Variants in CFAP91 observed in about 807,000 individuals in gnomAD.
The protein encoded by CFAP91 is cilia- and flagella-associated protein 91.
A neutral mutation model predicts 95.9 loss-of-function variants in CFAP91; 85 were observed. The ratio of observed to expected loss-of-function variants is 0.89; its 90% confidence interval spans 0.74 to 1.06. The LOEUF (loss-of-function observed/expected upper bound fraction) is 1.06, where lower values mean the gene tolerates loss of function less well. Ranked by LOEUF, CFAP91 falls within the 50% of genes least tolerant of loss-of-function variation. The pLI, the probability that CFAP91 is intolerant of heterozygous loss-of-function variation, is 0.00. For synonymous variants in CFAP91, 335 were observed against 327.5 expected (o/e 1.02, Z -0.25); for missense variants, 962 against 943.4 (o/e 1.02, Z -0.26).
intron 15 of CFAP91, chr3:119,747,539 G>C: frequency 5.4e-6 from 3 of 558,790 alleles, no homozygotes; most frequent in Non-Finnish European, 9.4e-6. Context: ...CAACATTACT[G>C]GGACTTCATC....
chr3:119,715,892 C>T (rs527255389), intron 6 of CFAP91, 149 bp downstream of exon 6: 159 of 647,620 alleles, frequency 2.5e-4, no homozygotes, highest in African/African-American at 2.5e-3. Context: ...CATAATTTTT[C>T]TGATACTTCT....
Position 119,709,832 on chromosome 3 carries a change from C to T in CFAP91, c.444-7C>T. 6.2e-7 allele frequency: 1 copy of T among 1,607,806 alleles called. No homozygotes were observed. ...CCCACACATTTATGTTTTCTTTTTC[C>T]TCCCAGGCCTTTTCTCCCATTTTTT... On this transcript the variant is annotated splice_region_variant and splice_polypyrimidine_tract_variant and intron_variant, in intron 4 of 17. Coordinates refer to ENST00000273390, the MANE Select transcript of CFAP91 (RefSeq NM_033364.4).
At chr3:119,722,040 G>A (rs2107872860) in intron 6 of CFAP91, among the ~76,000 whole-genome samples, 1 of 152,034 alleles carries the variant, frequency 6.6e-6, no homozygotes, top group South Asian at 2.1e-4. Context: ...AAGTGTGGTG[G>A]TGCACACCTG....
intron 1 of CFAP91, 173 bp downstream of exon 1, chr3:119,703,395 C>T (rs908127187): frequency 4.1e-6 from 4 of 972,164 alleles, no homozygotes; most frequent in Admixed American, 2.6e-5. Flanking sequence ...TCCAGGTGGC[C>T]GCACTCAGGT....
chr3:119,720,820 C>T (rs1577209700), intron 6 of CFAP91, among the ~76,000 whole-genome samples: 2 of 152,304 alleles, frequency 1.3e-5, no homozygotes, highest in East Asian at 3.9e-4. Flanking sequence ...TGCATATAAC[C>T]TACACACATC....
rs148943583 is a variant in CFAP91 at position 119,755,975 on chromosome 3, C to T, written c.*1+4877C>T. Among the ~76,000 whole-genome samples the T allele has an allele frequency of 2.0e-3, 310 of 152,118 alleles. 1 individual carries two copies. The highest frequency in any genetic ancestry group is 7.3e-3 in the African/African-American group (303 of 41,486). On this transcript the variant is annotated intron_variant, in intron 17 of 17. Coordinates refer to ENST00000273390, the MANE Select transcript of CFAP91 (RefSeq NM_033364.4). ...TAGAAAAGGAGAAAGAGTGAGTAGG[C>T]ATGGACCACTGATTGAAGAAATTTC...
rs1025055333 is a variant in CFAP91, at chr3:119,722,295, A to G, written c.683-3876A>G. On this transcript the variant is annotated intron_variant, in intron 6 of 17. Coordinates refer to ENST00000273390, the MANE Select transcript of CFAP91 (RefSeq NM_033364.4). ...AACATGGTGAAACCCCGTCTCTACT[A>G]AAAATACAGAGAAATTAGCTGGGCA... is the stretch of plus-strand genomic sequence containing the variant. Among the ~76,000 whole-genome samples, 11 of 152,184 alleles carry G rather than the reference A, an allele frequency of 7.2e-5. No individual in the cohort carries two copies. The East Asian group carries it at 7.7e-4, about 11-fold the overall frequency.
At chr3:119,720,330 C>G (rs1274342204) in intron 6 of CFAP91, among the ~76,000 whole-genome samples, 2 of 148,884 alleles carry the variant, frequency 1.3e-5, no homozygotes, top group East Asian at 2.0e-4. Context: ...CCGGGAGGCT[C>G]TGCTTGCAGT....
rs757507587 is a variant in CFAP91 at position 119,732,301 on chromosome 3, A to AAAACT, written c.1027_1031dup (p.Val345AsnfsTer3). Reference sequence around the variant, plus strand: ...AGGTATGTTTTATTTCAGCAATCAGAAAACTTGTAGGAAAGAGAAAGAATA... The same window carrying AAAACT: ...AGGTATGTTTTATTTCAGCAATCAGAAAACTAAACTTGTAGGAAAGAGAAAGAATA... On this transcript the variant is annotated frameshift_variant, in exon 9 of 18. Transcript: ENST00000273390. LOFTEE classifies it high-confidence loss of function. The AAAACT allele has an allele frequency of 6.3e-7, 1 of 1,598,790 alleles. No individual in the cohort carries two copies. The highest frequency in any genetic ancestry group is 8.5e-7 in the Non-Finnish European group (1 of 1,172,062).
chr3:119,750,756 G>A, intron 16 of CFAP91, 181 bp from the exon 17 acceptor site: 1 of 626,690 alleles, frequency 1.6e-6, no homozygotes, highest in African/African-American at 1.8e-5. Flanking sequence ...CAAGCCTGGT[G>A]GAAAGGAGTA....
chr3:119,752,343 G>A (rs539869915), intron 17 of CFAP91: 1 of 152,290 alleles, frequency 6.6e-6, no homozygotes, highest in African/African-American at 2.4e-5. Flanking sequence ...CAATCAAAAG[G>A]AATCATGGAA....
chr3:119,729,384 C>G (rs532854965), intron 7 of CFAP91, among the ~76,000 whole-genome samples: 1 of 151,954 alleles, frequency 6.6e-6, no homozygotes, highest in Admixed American at 6.6e-5. Flanking sequence ...TGGTGGCTCA[C>G]GCTTGTAATC....
chr3:119,718,804 C>T (rs539151710), intron 6 of CFAP91, among the ~76,000 whole-genome samples: 2 of 151,580 alleles, frequency 1.3e-5, no homozygotes, highest in East Asian at 3.9e-4. Flanking sequence ...CATTTTCATA[C>T]ATAAGAAGAA....
intron 4 of CFAP91, among the ~76,000 whole-genome samples, chr3:119,709,622 T>C (rs1172113767): frequency 6.6e-6 from 1 of 152,194 alleles, no homozygotes; most frequent in Non-Finnish European, 1.5e-5. Flanking sequence ...CTACCCTATA[T>C]GTACTGAATC....
intron 7 of CFAP91, among the ~76,000 whole-genome samples, chr3:119,729,718 TGCACATGA>T (rs935539859): frequency 1.3e-5 from 2 of 151,866 alleles, no homozygotes; most frequent in Non-Finnish European, 2.9e-5. Flanking sequence ...CATTGTTGGA[TGCACATGA>T]GCAAGGTAGC....
intron 16 of CFAP91, chr3:119,750,155 C>T (rs937919751): frequency 6.6e-6 from 1 of 152,108 alleles, no homozygotes; most frequent in Non-Finnish European, 1.5e-5. Context: ...GCAAAGAATC[C>T]ACAGTACTTC....
At chr3:119,722,286 G>A (rs1210053564) in intron 6 of CFAP91, among the ~76,000 whole-genome samples, 3 of 151,688 alleles carry the variant, frequency 2.0e-5, no homozygotes, top group East Asian at 1.9e-4. Flanking sequence ...GTGAAACCCC[G>A]TCTCTACTAA....
At chr3:119,711,588 T>C (rs2053474851) in intron 5 of CFAP91, among the ~76,000 whole-genome samples, 1 of 152,234 alleles carries the variant, frequency 6.6e-6, no homozygotes, top group Non-Finnish European at 1.5e-5. Flanking sequence ...TTTGACATTG[T>C]AGCTACTCTC....
intron 17 of CFAP91, among the ~76,000 whole-genome samples, chr3:119,756,270 A>C (rs2054425441): frequency 6.6e-6 from 1 of 152,210 alleles, no homozygotes; most frequent in East Asian, 1.9e-4. Context: ...AAACAATGAA[A>C]GCCAAAAAGA....
Sources: gnomAD v4.1 joint callset for allele counts (sites outside exome capture counted in the v4.1 genomes callset) on GRCh38, gnomAD v4.1.1 for gene constraint, MANE v1.5 for transcripts, NCBI Gene and HGNC (gene_info 2026-07-23, HGNC 2026-07-21) for gene names.